ADGRG4: variants seen among roughly 807,000 people sequenced by gnomAD.
ADGRG4 encodes the protein adhesion G protein-coupled receptor G4, also known as G protein-coupled receptor 112.
Under a neutral mutation model 126.2 loss-of-function variants are expected in ADGRG4, and 122 were observed. That is an observed-to-expected ratio of 0.97 (90% confidence interval 0.83 to 1.12). ADGRG4 has a LOEUF of 1.12. ADGRG4 is among the 50% of genes most tolerant of loss of function. The pLI is 0.00. For missense variants in ADGRG4, 2,481 were observed against 2,251.8 expected (o/e 1.10, Z -2.06); for synonymous variants, 943 against 838.7 (o/e 1.12, Z -2.15).
chrX:136,302,056 G>A (rs183800829), intron 1 of ADGRG4, among the ~76,000 whole-genome samples: 1 of 112,071 alleles, frequency 8.9e-6, no homozygotes, highest in African/African-American at 3.2e-5. Flanking sequence ...GATTGACTTG[G>A]CAATGTGGGC....
rs770905593 is a variant in ADGRG4, at chrX:136,344,884, C to T, written c.1178C>T (p.Ser393Phe). 5.0e-6 allele frequency: 6 copies of T among 1,209,382 alleles called. No homozygotes were observed. In the Admixed American group the frequency reaches 1.3e-4, roughly 26 times the overall value. The change falls in exon 6 of 26, where the codon TCT (serine) becomes TTT (phenylalanine). Residue 393 changes from serine to phenylalanine, a missense_variant. Ser to Phe is a radical substitution (Grantham distance 155). Coordinates refer to ENST00000394143, the MANE Select transcript of ADGRG4 (RefSeq NM_153834.4). ...SVVSTTSAIK[S>F]QSAVTKTTSL... ...GTATCTACAACTTCAGCAATTAAAT[C>T]TCAGTCGGCTGTTACGAAGACAACA...
At chrX:136,330,363 A>G (rs1056172765) in intron 5 of ADGRG4, among the ~76,000 whole-genome samples, 8 of 109,814 alleles carry the variant, frequency 7.3e-5, no homozygotes, top group African/African-American at 1.0e-4. Context: ...GGAATCACAC[A>G]TTATGTAAAC....
chrX:136,413,136 G>A lies in ADGRG4; in HGVS notation c.9037+770G>A, dbSNP rs910903282. Among the ~76,000 whole-genome samples, 4 of 106,196 alleles carry A rather than the reference G, an allele frequency of 3.8e-5. No individual in the cohort carries two copies. The Admixed American group carries it at 4.1e-4, about 11-fold the overall frequency. The allele number at this position is 106,196 out of a possible 115,157, so 92.2% of individuals were successfully genotyped here. On this transcript the variant is annotated intron_variant, in intron 24 of 25. Coordinates refer to ENST00000394143, the MANE Select transcript of ADGRG4 (RefSeq NM_153834.4). ...AAGTTTTAGGGTACATGTGCACATT[G>A]TGCAGGTTAGTTACATATGTATACA... is the stretch of plus-strand genomic sequence containing the variant.
At chrX:136,350,595 A>G (rs755414239) in intron 6 of ADGRG4, among the ~76,000 whole-genome samples, 162 bp downstream of exon 6, 47 of 112,185 alleles carry the variant, frequency 4.2e-4, no homozygotes, top group Admixed American at 7.6e-4. Context: ...TACCTTGTCC[A>G]AATACAAAAT....
rs769610298 is a variant in ADGRG4 at position 136,345,031 on chromosome X, C to T, written c.1325C>T (p.Ala442Val). The T allele has an allele frequency of 2.1e-5, 25 of 1,209,636 alleles. No homozygotes were observed. Among genetic ancestry groups the T allele is most frequent in the Non-Finnish European group, 2.3e-5 (21 of 894,747 alleles). Residue 442 changes from alanine to valine, a missense_variant, in exon 6 of 26, where the codon GCT (alanine) becomes GTT (valine). Transcript: ENST00000394143. ...GGCCAGGAGTTCATTGAATCTACAG[C>T]TGCCGGAACTGTACCTTGGTTTACA... is the stretch of plus-strand genomic sequence containing the variant. ...TAGQEFIEST[A>V]AGTVPWFTVE...
In ADGRG4 at chrX:136,332,468, G is replaced by A. The variant is rs745552837; in HGVS notation, c.685+9076G>A. Among the ~76,000 whole-genome samples the A allele has an allele frequency of 3.2e-3, 325 of 100,483 alleles. 2 individuals are homozygous for A. The highest frequency in any genetic ancestry group is 0.011 in the African/African-American group (308 of 27,411). 87.3% of individuals were successfully genotyped at this position (100,483 alleles called of 115,157 possible). A position where few individuals can be genotyped will look rare whatever the true frequency, so the allele number is the denominator to read the frequency against. On this transcript the variant is annotated intron_variant, in intron 5 of 25. Coordinates refer to ENST00000394143, the MANE Select transcript of ADGRG4 (RefSeq NM_153834.4). ...GTGAATAATGCCGCAATAAACATAC[G>A]TGTGCATGTGTCTTTATAGCAGCAT...
intron 5 of ADGRG4, among the ~76,000 whole-genome samples, chrX:136,332,814 G>A (rs2074921488): frequency 9.2e-6 from 1 of 108,204 alleles, no homozygotes; most frequent in Admixed American, 9.9e-5. Context: ...CTTTTGAGAA[G>A]TGTCTGTTCA....
chrX:136,356,866 G>A (rs1327951969), intron 9 of ADGRG4, among the ~76,000 whole-genome samples: 8 of 111,127 alleles, frequency 7.2e-5, no homozygotes, highest in Non-Finnish European at 1.1e-4. Flanking sequence ...AGCCAGGCAC[G>A]GTGGTGCATT....
At chrX:136,380,511 A>AGCTGCT (rs888933181) in intron 15 of ADGRG4, among the ~76,000 whole-genome samples, 1 of 100,782 alleles carries the variant, frequency 9.9e-6, no homozygotes, top group African/African-American at 3.6e-5. Context: ...TTCTTTACAT[A>AGCTGCT]GCTGCTGCTG....
chrX:136,360,581 A>G (rs1343866727), intron 11 of ADGRG4, among the ~76,000 whole-genome samples: 1 of 111,189 alleles, frequency 9.0e-6, no homozygotes, highest in Non-Finnish European at 1.9e-5. Context: ...TGTCTCTACA[A>G]AAAATAAAAA....
chrX:136,414,755 C>G (rs1925519716), intron 25 of ADGRG4, among the ~76,000 whole-genome samples: 1 of 112,314 alleles, frequency 8.9e-6, no homozygotes, highest in African/African-American at 3.2e-5. Context: ...TCTTTACCAT[C>G]CAGTAGAACT....
At position 136,372,886 on chromosome X, in the gene ADGRG4, C is replaced by T. The variant is rs774514735; in HGVS notation, c.7614-16C>T. ...TAAAAGGTAGGATGCTCTTCTCCAT[C>T]TGTGGTTTCTTGCAGAATTCTGAGG... On this transcript the variant is annotated splice_polypyrimidine_tract_variant and intron_variant, in intron 14 of 25. Coordinates refer to ENST00000394143, the MANE Select transcript of ADGRG4 (RefSeq NM_153834.4). 4 of 1,208,609 alleles carry T rather than the reference C, an allele frequency of 3.3e-6. No homozygotes were observed.
rs900660596 is a variant in ADGRG4, at chrX:136,346,741, C to T, written c.3035C>T (p.Thr1012Ile). 7.4e-6 allele frequency: 9 copies of T among 1,210,133 alleles called. No individual in the cohort carries two copies. The highest frequency in any genetic ancestry group is 1.8e-5 in the South Asian group (1 of 56,828). The stretch of plus-strand genomic sequence containing the variant: ...TCCTCAGCAACCCCTGTGCCTGTTA[C>T]TCATATGTTCTCATTGCCAGTTAAT... ...AHSSATPVPV[T>I]HMFSLPVNGS... is the part of the protein sequence containing the mutation. Residue 1012 changes from threonine to isoleucine, a missense_variant, in exon 6 of 26, where the codon ACT becomes ATT. Coordinates refer to ENST00000394143, the MANE Select transcript of ADGRG4 (RefSeq NM_153834.4).
chrX:136,410,845 C>T (rs1183970986), intron 23 of ADGRG4, among the ~76,000 whole-genome samples: 2 of 111,616 alleles, frequency 1.8e-5, no homozygotes, highest in Non-Finnish European at 3.8e-5. Flanking sequence ...AATTGTATGG[C>T]TACATATAGC....
intron 9 of ADGRG4, among the ~76,000 whole-genome samples, chrX:136,356,626 A>G (rs2148473790): frequency 8.9e-6 from 1 of 112,096 alleles, no homozygotes; most frequent in South Asian, 3.8e-4. Context: ...AGCACACTCT[A>G]AAATGAGTAG....
chrX:136,314,723 T>A (rs958351826), intron 4 of ADGRG4, among the ~76,000 whole-genome samples: 1 of 112,311 alleles, frequency 8.9e-6, no homozygotes, highest in Non-Finnish European at 1.9e-5. Context: ...CCTTTACTTG[T>A]TTATTGACTG....
chrX:136,308,929 C>T, intron 4 of ADGRG4, 82 bp downstream of exon 4: 1 of 607,454 alleles, frequency 1.6e-6, no homozygotes, highest in South Asian at 2.6e-5. Flanking sequence ...AAAATACTAC[C>T]AATGGAGATT....
In ADGRG4 at chrX:136,305,956, CA is replaced by C. The variant is rs751384509; in HGVS notation, c.-10+938del. On this transcript the variant is annotated intron_variant, in intron 3 of 25. Transcript: ENST00000394143. ...CAGCCCCATGACGTGCTACAAGCCG[CA>C]AAAAGAGGATCTACCCGGATCAATA... is the stretch of plus-strand genomic sequence containing the variant. The C allele has an allele frequency of 3.6e-5, 4 of 111,371 alleles. No individual in the cohort carries two copies. In the East Asian group the frequency reaches 1.1e-3, roughly 31 times the overall value. The allele number at this position is 111,371 out of a possible 1,213,427, so 9.2% of individuals were successfully genotyped here.
chrX:136,396,366 C>CATATATAT, intron 19 of ADGRG4, among the ~76,000 whole-genome samples: 1 of 95,046 alleles, frequency 1.1e-5, no homozygotes, highest in Non-Finnish European at 2.1e-5. Flanking sequence ...ATTTATTTTA[C>CATATATAT]ATATATATAT....
Sources: gnomAD v4.1 joint callset for allele counts (sites outside exome capture counted in the v4.1 genomes callset) on GRCh38, gnomAD v4.1.1 for gene constraint, MANE v1.5 for transcripts, NCBI Gene and HGNC (gene_info 2026-07-23, HGNC 2026-07-21) for gene names.